MMD2: variants seen among roughly 807,000 people sequenced by gnomAD.
MMD2 encodes the protein monocyte to macrophage differentiation factor 2.
MMD2 carries 30 observed loss-of-function variants against 33.5 expected under a neutral mutation model. The ratio of observed to expected loss-of-function variants is 0.90; its 90% CI spans 0.67 to 1.22. MMD2 has a LOEUF of 1.22. Among genes scored for constraint, MMD2 ranks in the 50% most tolerant of loss-of-function variants. The probability of loss-of-function intolerance (pLI) is 0.00; values close to 1 mark genes in which losing one functional copy is unlikely to be tolerated. For missense variants in MMD2, 364 were observed against 325.4 expected (o/e 1.12, Z -0.91); for synonymous variants, 129 against 123.0 (o/e 1.05, Z -0.32).
intron 6 of MMD2, 74 bp downstream of exon 6, chr7:4,909,807 T>A: frequency 6.5e-7 from 1 of 1,548,970 alleles, no homozygotes; most frequent in Non-Finnish European, 8.7e-7. Flanking sequence ...TGTGACAATC[T>A]CAACAGCCAG....
intron 3 of MMD2, among the ~76,000 whole-genome samples, chr7:4,919,285 C>T (rs776944715): frequency 2.0e-5 from 3 of 152,110 alleles, no homozygotes; most frequent in Non-Finnish European, 4.4e-5. Context: ...GCAAGCAAAA[C>T]AAGTCAGGCG....
At chr7:4,900,657 G>C in the MMD2 span, among the ~76,000 whole-genome samples, 1 of 151,954 alleles carries the variant, frequency 6.6e-6, no homozygotes, top group Non-Finnish European at 1.5e-5. Flanking sequence ...AACATGAGAC[G>C]GGATGGTATA....
the MMD2 span, among the ~76,000 whole-genome samples, chr7:4,900,866 G>T: frequency 6.6e-6 from 1 of 152,118 alleles, no homozygotes; most frequent in African/African-American, 2.4e-5. Context: ...TGGGCCGGGC[G>T]CAGTGGCTCA....
chr7:4,937,590 C>T (rs922980908), intron 1 of MMD2, among the ~76,000 whole-genome samples: 1 of 152,184 alleles, frequency 6.6e-6, no homozygotes, highest in Admixed American at 6.6e-5. Flanking sequence ...TTTGTTGCAG[C>T]CTCCAACTCC....
chr7:4,907,552 G>A lies in MMD2; in HGVS notation c.585C>T (p.Tyr195=), dbSNP rs1308165432. 3.7e-6 allele frequency: 6 copies of A among 1,613,446 alleles called. No individual in the cohort carries two copies. In the East Asian group the frequency reaches 1.1e-4, roughly 30 times the overall value. Reference sequence around the variant, plus strand: ...TCTTGAAGAAGACCATGCCCAGGCAGTAGAAGACCCCTCCGGTCACCAGCT... The same window carrying A: ...TCTTGAAGAAGACCATGCCCAGGCAATAGAAGACCCCTCCGGTCACCAGCT... ...IWELVTGGVF[Y]CLGMVFFKSD... Residue 195 remains tyrosine, a synonymous_variant, in exon 7 of 7, where the codon TAC becomes TAT. Transcript: ENST00000401401.
At chr7:4,903,372 G>A (rs1043964344), downstream of MMD2, among the ~76,000 whole-genome samples, 4 of 152,046 alleles carry the variant, frequency 2.6e-5, no homozygotes, top group African/African-American at 9.7e-5. Context: ...TAGATCTCCA[G>A]TTCTGGGTCC....
intron 1 of MMD2, among the ~76,000 whole-genome samples, chr7:4,955,881 T>C (rs1487190302): frequency 6.6e-6 from 1 of 152,066 alleles, no homozygotes; most frequent in Admixed American, 6.6e-5. Context: ...GGTGAAACCC[T>C]ACCTCTACTA....
rs562886723 is a variant in MMD2 at position 4,906,060 on chromosome 7, C to T, written c.*1336G>A. Reference sequence around the variant, plus strand: ...GATTCCAGGTGCAGGAACCCTGGAACCCCCTGGAATGTGCTAGAGATAAGC... The same window carrying T: ...GATTCCAGGTGCAGGAACCCTGGAATCCCCTGGAATGTGCTAGAGATAAGC... On this transcript the variant is annotated 3_prime_UTR_variant, in exon 7 of 7. Coordinates refer to ENST00000401401, the MANE Select transcript of MMD2 (RefSeq NM_198403.4). 1 of 157,382 alleles carries T rather than the reference C, an allele frequency of 6.4e-6. No individual in the cohort carries two copies. The highest frequency in any genetic ancestry group is 2.4e-5 in the African/African-American group (1 of 41,678). 9.7% of individuals were successfully genotyped at this position (157,382 alleles called of 1,614,324 possible).
chr7:4,899,512 C>T, the MMD2 span, among the ~76,000 whole-genome samples: 4 of 152,120 alleles, frequency 2.6e-5, no homozygotes, highest in South Asian at 4.2e-4. Flanking sequence ...CTCAGCCTCC[C>T]GCGTACCTGG....
At chr7:4,928,459 G>A (rs1785489706) in intron 1 of MMD2, among the ~76,000 whole-genome samples, 1 of 151,338 alleles carries the variant, frequency 6.6e-6, no homozygotes, top group South Asian at 2.1e-4. Context: ...AGCACCTCCT[G>A]TATGCTGGAT....
Position 4,907,393 on chromosome 7 carries a change from A to G in MMD2, c.*3T>C, listed in dbSNP as rs145141276. The G allele has an allele frequency of 2.3e-3, 3,723 of 1,613,600 alleles. 9 individuals carry two copies. Among genetic ancestry groups the G allele is most frequent in the Non-Finnish European group, 2.0e-3 (2,388 of 1,179,862 alleles). On this transcript the variant is annotated 3_prime_UTR_variant, in exon 7 of 7. Coordinates refer to ENST00000401401, the MANE Select transcript of MMD2 (RefSeq NM_198403.4). The stretch of plus-strand genomic sequence containing the variant: ...CCAAACGACCTCTCAAGTCTGGGTC[A>G]CCTCATTTGGACACCTTGGTCTGCA...
intron 1 of MMD2, among the ~76,000 whole-genome samples, chr7:4,936,887 A>C (rs1164078088): frequency 2.6e-5 from 4 of 151,578 alleles, no homozygotes; most frequent in African/African-American, 9.7e-5. Flanking sequence ...GGTGTTTGCC[A>C]CTACACCTGG....
At chr7:4,956,257 T>C (rs1424694127) in intron 1 of MMD2, among the ~76,000 whole-genome samples, 2 of 151,358 alleles carry the variant, frequency 1.3e-5, no homozygotes, top group Admixed American at 6.6e-5. Flanking sequence ...ACCCCATCTT[T>C]ACAGATACTT....
intron 2 of MMD2, among the ~76,000 whole-genome samples, chr7:4,923,751 C>G (rs1434708364): frequency 6.6e-6 from 1 of 152,130 alleles, no homozygotes; most frequent in East Asian, 1.9e-4. Context: ...TTCCGAGCCC[C>G]TACGATGCAC....
intron 1 of MMD2, among the ~76,000 whole-genome samples, chr7:4,936,140 G>A (rs1785734162): frequency 6.7e-6 from 1 of 149,416 alleles, no homozygotes; most frequent in Non-Finnish European, 1.5e-5. Context: ...AGCTGAGATC[G>A]TGCCACTGCA....
intron 1 of MMD2, among the ~76,000 whole-genome samples, chr7:4,938,159 C>T (rs1305179044): frequency 1.3e-5 from 2 of 151,586 alleles, no homozygotes; most frequent in Non-Finnish European, 2.9e-5. Context: ...TACAGGTGCC[C>T]ACCACTATGC....
intron 1 of MMD2, among the ~76,000 whole-genome samples, chr7:4,928,075 G>A (rs1785479776): frequency 6.6e-6 from 1 of 152,220 alleles, no homozygotes; most frequent in Non-Finnish European, 1.5e-5. Context: ...CGGGACCACA[G>A]CAGCGTGCAT....
intron 4 of MMD2, among the ~76,000 whole-genome samples, chr7:4,915,218 C>A (rs1785109668): frequency 6.6e-6 from 1 of 151,636 alleles, no homozygotes; most frequent in African/African-American, 2.4e-5. Context: ...CTGCAGTGAG[C>A]TATGATCACA....
At chr7:4,913,205 T>G (rs1179449270) in intron 4 of MMD2, among the ~76,000 whole-genome samples, 1 of 152,152 alleles carries the variant, frequency 6.6e-6, no homozygotes, top group Non-Finnish European at 1.5e-5. Flanking sequence ...AATAGGTCAC[T>G]GGGTAGAAGG....
Sources: allele counts gnomAD v4.1 joint callset (sites outside exome capture counted in the v4.1 genomes callset), GRCh38; gene constraint gnomAD v4.1.1; transcripts MANE v1.5; gene names NCBI Gene and HGNC (gene_info 2026-07-23, HGNC 2026-07-21).